The following AKAP6 variants were observed in gnomAD, a reference collection of about 807,000 sequenced individuals.
AKAP6 encodes the protein A-kinase anchor protein 6.
Under a neutral mutation model 188.5 loss-of-function variants are expected in AKAP6, and 58 were observed. That is an observed-to-expected ratio of 0.31 (90% CI 0.25 to 0.38). The LOEUF is 0.38. AKAP6 is among the 10% of genes least tolerant of loss of function. AKAP6 has a pLI of 1.00. For missense variants in AKAP6, 2,710 were observed against 2,740.0 expected, an observed-to-expected ratio of 0.99 and a Z score of 0.24; for synonymous variants, 989 against 998.6, an observed-to-expected ratio of 0.99 and a Z score of 0.18.
chr14:32,453,156 A>G (rs1331897594), intron 2 of AKAP6, among the ~76,000 whole-genome samples: 2 of 152,222 alleles, frequency 1.3e-5, no homozygotes, highest in Non-Finnish European at 2.9e-5. Flanking sequence ...ATTCAAGGAC[A>G]TTTAGAGAAG....
chr14:32,449,421 C>T (rs2138768874), intron 2 of AKAP6, among the ~76,000 whole-genome samples: 1 of 150,564 alleles, frequency 6.6e-6, no homozygotes, highest in African/African-American at 2.4e-5. Flanking sequence ...ACTCAGGAGG[C>T]TGAGGCAGGA....
chr14:32,753,492 T>G (rs1458060232), intron 11 of AKAP6, among the ~76,000 whole-genome samples: 4 of 152,182 alleles, frequency 2.6e-5, no homozygotes, highest in African/African-American at 9.6e-5. Context: ...CTCTGTTGAT[T>G]GTTTCCTTTC....
intron 2 of AKAP6, among the ~76,000 whole-genome samples, chr14:32,454,648 CTT>C (rs1891060729): frequency 1.5e-5 from 2 of 132,254 alleles, no homozygotes; most frequent in African/African-American, 6.6e-5. Flanking sequence ...TCCCTCCCTC[CTT>C]CCCTCTCTCC....
At chr14:32,705,414 A>G (rs1369443672) in intron 9 of AKAP6, among the ~76,000 whole-genome samples, 3 of 152,180 alleles carry the variant, frequency 2.0e-5, no homozygotes, top group Non-Finnish European at 4.4e-5. Context: ...TATCTTCTTC[A>G]ACATTTGATA....
intron 11 of AKAP6, among the ~76,000 whole-genome samples, chr14:32,767,653 C>T (rs1309139381): frequency 6.6e-6 from 1 of 152,074 alleles, no homozygotes; most frequent in African/African-American, 2.4e-5. Flanking sequence ...GCTTCTTGGC[C>T]TTTTTAAATG....
chr14:32,602,849 G>C (rs898990661), intron 7 of AKAP6, among the ~76,000 whole-genome samples: 1 of 152,280 alleles, frequency 6.6e-6, no homozygotes, highest in African/African-American at 2.4e-5. Context: ...CCCTTTGATC[G>C]CAGAGCCCGT....
intron 10 of AKAP6, among the ~76,000 whole-genome samples, chr14:32,735,113 A>G (rs17099494): frequency 0.071 from 10,797 of 152,220 alleles, 483 homozygotes; most frequent in South Asian, 0.11. Context: ...AACATCACCA[A>G]GGAGGCTTCC....
Position 32,662,206 on chromosome 14 carries a change from A to C in AKAP6, c.2731-16105A>C, listed in dbSNP as rs138623480. 4.1e-3 allele frequency among the ~76,000 whole-genome samples: 625 copies of C among 152,254 alleles called. 3 individuals carry two copies. Among genetic ancestry groups the C allele is most frequent in the African/African-American group, 0.015 (603 of 41,566 alleles). Reference sequence around the variant, plus strand: ...ATATAAAATTTTATAGTTCTCTTTAAATATCCTGTAAAATGGCAGAGAGGT... The same window carrying C: ...ATATAAAATTTTATAGTTCTCTTTACATATCCTGTAAAATGGCAGAGAGGT... On this transcript the variant is annotated intron_variant, in intron 7 of 13. Coordinates refer to ENST00000280979, the MANE Select transcript of AKAP6 (RefSeq NM_004274.5).
chr14:32,555,003 C>T (rs1221557466), intron 4 of AKAP6, among the ~76,000 whole-genome samples: 1 of 152,160 alleles, frequency 6.6e-6, no homozygotes, highest in Non-Finnish European at 1.5e-5. Flanking sequence ...CTTCATATGC[C>T]AAATTAGAGC....
Position 32,773,803 on chromosome 14 carries a change from C to T in AKAP6, c.3498C>T (p.Ile1166=). Residue 1166 remains isoleucine, a synonymous_variant, in exon 12 of 14, where the codon ATC becomes ATT. Coordinates refer to ENST00000280979, the MANE Select transcript of AKAP6 (RefSeq NM_004274.5). ...LNADHQPMQL[I]IVNLERRWEA... is the part of the protein sequence containing the mutation. ...CAGACCACCAGCCCATGCAGCTGAT[C>T]ATTGTAAATCTTGAAAGAAGGTGGG... is the stretch of plus-strand genomic sequence containing the variant. 1.2e-6 allele frequency: 2 copies of T among 1,614,048 alleles called. No individual in the cohort carries two copies. Among genetic ancestry groups the T allele is most frequent in the Non-Finnish European group, 1.7e-6 (2 of 1,179,980 alleles).
At chr14:32,383,956 T>C (rs568294168) in intron 1 of AKAP6, among the ~76,000 whole-genome samples, 1 of 152,324 alleles carries the variant, frequency 6.6e-6, no homozygotes, top group African/African-American at 2.4e-5. Context: ...AAAGTTCTGA[T>C]GAACACTCCA....
chr14:32,731,494 A>C (rs2031174692), intron 9 of AKAP6, among the ~76,000 whole-genome samples: 1 of 152,120 alleles, frequency 6.6e-6, no homozygotes, highest in Non-Finnish European at 1.5e-5. Flanking sequence ...AAAGAACAAA[A>C]TACTACCATG....
At chr14:32,415,490 G>A (rs537750897) in intron 1 of AKAP6, among the ~76,000 whole-genome samples, 7 of 152,046 alleles carry the variant, frequency 4.6e-5, no homozygotes, top group African/African-American at 1.7e-4. Flanking sequence ...CTATTTCTCA[G>A]TGCTTTTCTC....
intron 1 of AKAP6, among the ~76,000 whole-genome samples, chr14:32,352,975 G>A (rs1594531332): frequency 6.6e-6 from 1 of 152,148 alleles, no homozygotes; most frequent in Admixed American, 6.5e-5. Flanking sequence ...CTTCCATACT[G>A]TTTTCCATAA....
intron 7 of AKAP6, among the ~76,000 whole-genome samples, chr14:32,621,058 C>CTTA (rs752206264): frequency 3.7e-4 from 56 of 151,940 alleles, no homozygotes; most frequent in Admixed American, 9.2e-4. Flanking sequence ...GACTTTTGAG[C>CTTA]TTATGGCTTC....
chr14:32,587,054 T>A (rs1465866678), intron 5 of AKAP6, among the ~76,000 whole-genome samples: 1 of 152,236 alleles, frequency 6.6e-6, no homozygotes. Context: ...GTTATTACAT[T>A]TGTTGAACTT....
At chr14:32,572,105 G>T (rs1884516239) in intron 4 of AKAP6, among the ~76,000 whole-genome samples, 1 of 152,106 alleles carries the variant, frequency 6.6e-6, no homozygotes, top group Admixed American at 6.6e-5. Context: ...CCATGACCTG[G>T]GTCTGATAAT....
rs544635462 is a variant in AKAP6, at chr14:32,619,488, T to C, written c.2730+18696T>C. On this transcript the variant is annotated intron_variant, in intron 7 of 13. Coordinates refer to ENST00000280979, the MANE Select transcript of AKAP6 (RefSeq NM_004274.5). ...TTGAAGATCAGTTGGTTGTAAGTAT[T>C]TGCCTTTATTTCTGGATTCTCTATT... Among the ~76,000 whole-genome samples the C allele has an allele frequency of 2.6e-5, 4 of 152,248 alleles. No homozygotes were observed. The South Asian group carries it at 8.3e-4, about 32-fold the overall frequency.
At chr14:32,592,103 G>T (rs928216088) in intron 5 of AKAP6, among the ~76,000 whole-genome samples, 3 of 152,322 alleles carry the variant, frequency 2.0e-5, no homozygotes, top group Non-Finnish European at 4.4e-5. Context: ...GATTGTATCA[G>T]TGTCTCCCAA....
Sources: allele counts gnomAD v4.1 joint callset (sites outside exome capture counted in the v4.1 genomes callset), GRCh38; gene constraint gnomAD v4.1.1; transcripts MANE v1.5; gene names NCBI Gene and HGNC (gene_info 2026-07-23, HGNC 2026-07-21).